The following ADGRL3 variants were observed in gnomAD, a reference collection of about 807,000 sequenced individuals.
The protein encoded by ADGRL3 is adhesion G protein-coupled receptor L3.
Under a neutral mutation model 153.5 loss-of-function variants are expected in ADGRL3, and 62 were observed. That is an observed-to-expected ratio of 0.40 (90% CI 0.33 to 0.50). The LOEUF is 0.50. Ranked by LOEUF, ADGRL3 falls within the 20% of genes least tolerant of loss-of-function variation. The probability of loss-of-function intolerance (pLI) is 0.47; values close to 1 mark genes in which losing one functional copy is unlikely to be tolerated. For missense variants in ADGRL3, 1,641 were observed against 1,859.4 expected, an observed-to-expected ratio of 0.88 and a Z score of 2.16; for synonymous variants, 710 against 672.5, an observed-to-expected ratio of 1.06 and a Z score of -0.86.
chr4:61,554,100 A>T (rs1430037131), intron 4 of ADGRL3, among the ~76,000 whole-genome samples: 1 of 143,184 alleles, frequency 7.0e-6, no homozygotes, highest in African/African-American at 2.6e-5. Flanking sequence ...GGCTTGGGCC[A>T]TTTTTTTTTT....
chr4:62,045,043 T>A (rs144418274), intron 25 of ADGRL3, among the ~76,000 whole-genome samples: 204 of 152,238 alleles, frequency 1.3e-3, no homozygotes, highest in African/African-American at 4.8e-3. Flanking sequence ...TTTAAAAATA[T>A]AGGAGAAAAG....
intron 8 of ADGRL3, among the ~76,000 whole-genome samples, chr4:61,757,174 G>T (rs2096844745): frequency 3.9e-5 from 6 of 152,126 alleles, no homozygotes. Flanking sequence ...TGTATTGATT[G>T]GAATAGTTTC....
chr4:62,056,356 T>C (rs952830564), intron 25 of ADGRL3, among the ~76,000 whole-genome samples: 2 of 151,956 alleles, frequency 1.3e-5, no homozygotes, highest in Non-Finnish European at 2.9e-5. Flanking sequence ...GGAAAGAAAC[T>C]TACCTCTTAT....
At chr4:61,672,676 G>T (rs144740490) in intron 5 of ADGRL3, among the ~76,000 whole-genome samples, 1 of 152,008 alleles carries the variant, frequency 6.6e-6, no homozygotes, top group Non-Finnish European at 1.5e-5. Flanking sequence ...CAAAAGATAA[G>T]TGTTGATGAC....
At chr4:61,998,070 A>G in intron 20 of ADGRL3, 104 bp from the exon 21 acceptor site, 1 of 499,304 alleles carries the variant, frequency 2.0e-6, no homozygotes, top group Non-Finnish European at 3.6e-6. Context: ...TTAAAAGTGT[A>G]GTGAGACCTA....
intron 5 of ADGRL3, among the ~76,000 whole-genome samples, chr4:61,649,830 T>G (rs548920090): frequency 6.6e-6 from 1 of 152,296 alleles, no homozygotes; most frequent in East Asian, 1.9e-4. Context: ...AATATTGACC[T>G]GCAAAAATGT....
At chr4:61,862,254 G>A (rs1043128691) in intron 9 of ADGRL3, among the ~76,000 whole-genome samples, 1 of 152,086 alleles carries the variant, frequency 6.6e-6, no homozygotes, top group African/African-American at 2.4e-5. Context: ...GTTTCTCTAT[G>A]GCAAGGTCAC....
chr4:61,975,924 A>G (rs1253869760), intron 17 of ADGRL3, among the ~76,000 whole-genome samples: 1 of 152,180 alleles, frequency 6.6e-6, no homozygotes, highest in Non-Finnish European at 1.5e-5. Context: ...GGATAAGATC[A>G]GGAGCTGTTT....
At chr4:61,335,877 C>T (rs1344635216) in intron 1 of ADGRL3, among the ~76,000 whole-genome samples, 1 of 152,024 alleles carries the variant, frequency 6.6e-6, no homozygotes. Flanking sequence ...TTTTGAAACC[C>T]AGTATATCAT....
chr4:61,385,359 C>T (rs9312076), intron 2 of ADGRL3: 54,076 of 152,104 alleles, frequency 0.36, 10,202 homozygotes, highest in Non-Finnish European at 0.43. Context: ...TCCAAGCCAA[C>T]TTCGCCTGAC....
In ADGRL3 at chr4:61,219,610, A is replaced by G. The variant is rs202184712; in HGVS notation, c.-240+17845A>G. On this transcript the variant is annotated intron_variant, in intron 1 of 26. Transcript: ENST00000683033. ...ACAGTGGTTTAATATTCTGAGTGAC[A>G]GATGCAAAATAGTTGACTGTATTGT... Among the ~76,000 whole-genome samples the G allele has an allele frequency of 2.6e-5, 4 of 152,324 alleles. No homozygotes were observed. In the East Asian group the frequency reaches 7.7e-4, roughly 29 times the overall value.
intron 1 of ADGRL3, among the ~76,000 whole-genome samples, chr4:61,280,154 G>C (rs971726549): frequency 2.9e-5 from 4 of 138,076 alleles, no homozygotes; most frequent in Non-Finnish European, 6.1e-5. Context: ...CTGTTGCCCA[G>C]GCTGGAATGC....
chr4:61,458,894 A>G (rs112988362), intron 2 of ADGRL3, among the ~76,000 whole-genome samples: 199 of 148,476 alleles, frequency 1.3e-3, no homozygotes, highest in African/African-American at 4.9e-3. Context: ...ATATTTTTCT[A>G]ACTATTTACC....
At chr4:61,952,539 G>T (rs753195347) in intron 17 of ADGRL3, among the ~76,000 whole-genome samples, 1 of 151,576 alleles carries the variant, frequency 6.6e-6, no homozygotes, top group Non-Finnish European at 1.5e-5. Context: ...AGAGAGAGAT[G>T]GTGCAGGTAT....
intron 6 of ADGRL3, among the ~76,000 whole-genome samples, chr4:61,681,473 G>T (rs554289054): frequency 6.6e-6 from 1 of 151,892 alleles, no homozygotes; most frequent in Non-Finnish European, 1.5e-5. Flanking sequence ...ATTGCGGGGG[G>T]AAGTACACAA....
At chr4:61,584,562 TTTTGTTACA>T (rs1442651148) in intron 4 of ADGRL3, among the ~76,000 whole-genome samples, 3 of 152,048 alleles carry the variant, frequency 2.0e-5, no homozygotes, top group African/African-American at 7.2e-5. Context: ...TTTGTTATTT[TTTTGTTACA>T]TTAACCTTTT....
chr4:61,732,486 G>T (rs1389412501), intron 7 of ADGRL3, among the ~76,000 whole-genome samples: 1 of 151,942 alleles, frequency 6.6e-6, no homozygotes, highest in African/African-American at 2.4e-5. Context: ...CAAAAATATT[G>T]TAGCATATTT....
At chr4:61,976,743 C>T (rs1362534280) in intron 17 of ADGRL3, among the ~76,000 whole-genome samples, 1 of 152,100 alleles carries the variant, frequency 6.6e-6, no homozygotes, top group South Asian at 2.1e-4. Flanking sequence ...TGTCTTGCTC[C>T]CCCTTCGCCT....
At chr4:61,207,005 T>TAAATA (rs1218140204) in intron 1 of ADGRL3, among the ~76,000 whole-genome samples, 14 of 151,544 alleles carry the variant, frequency 9.2e-5, no homozygotes, top group Non-Finnish European at 7.4e-5. Flanking sequence ...AATAAATAAA[T>TAAATA]AAATAAAATA....
Sources: allele counts gnomAD v4.1 joint callset (sites outside exome capture counted in the v4.1 genomes callset), GRCh38; gene constraint gnomAD v4.1.1; transcripts MANE v1.5; gene names NCBI Gene and HGNC (gene_info 2026-07-23, HGNC 2026-07-21).